Variants in PRIM2 observed in about 807,000 individuals in gnomAD.
PRIM2 encodes the protein DNA primase large subunit.
In PRIM2, 39 loss-of-function variants were observed where a neutral mutation model predicts 67.3. The ratio of observed to expected loss-of-function variants is 0.58; its 90% CI spans 0.45 to 0.76. PRIM2 has a LOEUF of 0.76. Among genes scored for constraint, PRIM2 ranks in the 30% least tolerant of loss-of-function variants. The pLI, the probability that PRIM2 is intolerant of heterozygous loss-of-function variation, is 0.00. For synonymous variants in PRIM2, 143 were observed against 198.7 expected (o/e 0.72, Z 2.36); for missense variants, 398 against 598.7 (o/e 0.66, Z 3.50).
chr6:57,405,990 A>G (rs1407744780), intron 7 of PRIM2, among the ~76,000 whole-genome samples: 1 of 152,246 alleles, frequency 6.6e-6, no homozygotes, highest in Non-Finnish European at 1.5e-5. Context: ...AACAGTCATC[A>G]TATGTGTGGT....
chr6:57,272,762 T>G, the PRIM2 span, among the ~76,000 whole-genome samples: 1 of 152,220 alleles, frequency 6.6e-6, no homozygotes, highest in Non-Finnish European at 1.5e-5. Flanking sequence ...CAGTGGCTGG[T>G]ACCGGTTGTT....
At chr6:57,642,733 G>A (rs878924431) in intron 13 of PRIM2, among the ~76,000 whole-genome samples, 58,931 of 151,580 alleles carry the variant, frequency 0.39, 11,661 homozygotes, top group East Asian at 0.65. Context: ...GAGCCACCAC[G>A]CCCAGCCCCT....
intron 12 of PRIM2, among the ~76,000 whole-genome samples, chr6:57,619,755 A>C (rs2127496623): frequency 6.6e-6 from 1 of 152,358 alleles, no homozygotes; most frequent in South Asian, 2.1e-4. Flanking sequence ...AAAGCCTCTA[A>C]GAAGTTTGGG....
chr6:57,246,762 T>G, the PRIM2 span, among the ~76,000 whole-genome samples: 4 of 152,266 alleles, frequency 2.6e-5, 1 homozygote, highest in South Asian at 8.3e-4. Flanking sequence ...CCATTTCTGC[T>G]GCCTGCTGAT....
At chr6:57,448,660 G>A (rs2127388934) in intron 7 of PRIM2, among the ~76,000 whole-genome samples, 1 of 152,236 alleles carries the variant, frequency 6.6e-6, no homozygotes, top group East Asian at 1.9e-4. Flanking sequence ...GGTGGGTTCA[G>A]AGATTTTTAA....
chr6:57,457,793 C>A (rs1772855297), intron 7 of PRIM2, among the ~76,000 whole-genome samples: 1 of 152,164 alleles, frequency 6.6e-6, no homozygotes, highest in African/African-American at 2.4e-5. Flanking sequence ...CACCCACTGT[C>A]CTGCACCCAC....
chr6:57,288,419 C>T, the PRIM2 span, among the ~76,000 whole-genome samples: 1 of 152,176 alleles, frequency 6.6e-6, no homozygotes, highest in African/African-American at 2.4e-5. Flanking sequence ...ACATTCCGGT[C>T]TGACAGCTCT....
chr6:57,362,623 A>G (rs1268383164), intron 5 of PRIM2, among the ~76,000 whole-genome samples: 1 of 152,186 alleles, frequency 6.6e-6, no homozygotes, highest in Non-Finnish European at 1.5e-5. Context: ...AACCAAGTTA[A>G]GTTGAACAGT....
intron 7 of PRIM2, among the ~76,000 whole-genome samples, chr6:57,409,334 C>T (rs538432920): frequency 2.8e-4 from 42 of 152,150 alleles, no homozygotes; most frequent in African/African-American, 8.7e-4. Context: ...CACCACCGCA[C>T]CGGCTAATTT....
intron 10 of PRIM2, among the ~76,000 whole-genome samples, chr6:57,584,795 A>C (rs1429434136): frequency 1.3e-5 from 2 of 152,236 alleles, no homozygotes; most frequent in Non-Finnish European, 2.9e-5. Context: ...TAGTTTCTAC[A>C]AATTTTATAC....
At chr6:57,559,026 A>G (rs1775576047) in intron 10 of PRIM2, among the ~76,000 whole-genome samples, 2 of 151,812 alleles carry the variant, frequency 1.3e-5, no homozygotes, top group Admixed American at 6.6e-5. Flanking sequence ...AGTCTCAGCT[A>G]TTTGGGAGGC....
At chr6:57,520,248 A>G (rs1774583521) in intron 8 of PRIM2, among the ~76,000 whole-genome samples, 1 of 152,230 alleles carries the variant, frequency 6.6e-6, no homozygotes, top group Non-Finnish European at 1.5e-5. Flanking sequence ...TAAATGTGTA[A>G]TAGCTCATCT....
intron 13 of PRIM2, among the ~76,000 whole-genome samples, chr6:57,639,903 A>G (rs1355279001): frequency 4.6e-5 from 7 of 151,956 alleles, no homozygotes; most frequent in Admixed American, 4.6e-4. Flanking sequence ...CATCATCCTG[A>G]TTCTGAAACC....
At chr6:57,463,037 G>A (rs1773059037) in intron 7 of PRIM2, among the ~76,000 whole-genome samples, 1 of 152,182 alleles carries the variant, frequency 6.6e-6, no homozygotes, top group Non-Finnish European at 1.5e-5. Context: ...TGAGCTAGCT[G>A]TTTCAGGGTG....
rs1773039949 is a variant in PRIM2, at chr6:57,462,464, T to G, written c.694-44923T>G. Among the ~76,000 whole-genome samples the G allele has an allele frequency of 2.0e-5, 3 of 152,340 alleles. No individual in the cohort carries two copies. In the South Asian group the frequency reaches 6.2e-4, roughly 32 times the overall value. On this transcript the variant is annotated intron_variant, in intron 7 of 13. Coordinates refer to ENST00000615550, the MANE Select transcript of PRIM2 (RefSeq NM_000947.5). ...TCCCATGGACATTAGATAAATGAGA[T>G]TAATTAGCCTCTTTGTTACCAGTTG...
chr6:57,333,020 T>C (rs1411212150), intron 5 of PRIM2, among the ~76,000 whole-genome samples: 1 of 152,192 alleles, frequency 6.6e-6, no homozygotes, highest in East Asian at 1.9e-4. Flanking sequence ...CTGTTTATTT[T>C]ACTGTATTTT....
At chr6:57,422,303 A>G (rs1207941933) in intron 7 of PRIM2, among the ~76,000 whole-genome samples, 5 of 150,872 alleles carry the variant, frequency 3.3e-5, no homozygotes. Context: ...ACAGGCACCC[A>G]CTTTTTGTAT....
chr6:57,258,373 G>A, the PRIM2 span, among the ~76,000 whole-genome samples: 4 of 151,552 alleles, frequency 2.6e-5, no homozygotes, highest in African/African-American at 9.7e-5. Context: ...ATTTTCTGAC[G>A]CAAATGAGGT....
chr6:57,323,491 A>C (rs1767731338), intron 3 of PRIM2, among the ~76,000 whole-genome samples: 1 of 152,140 alleles, frequency 6.6e-6, no homozygotes, highest in African/African-American at 2.4e-5. Context: ...TGTCAAGATT[A>C]GTTTACTTCT....
Sources: allele counts gnomAD v4.1 joint callset (sites outside exome capture counted in the v4.1 genomes callset), GRCh38; gene constraint gnomAD v4.1.1; transcripts MANE v1.5; gene names NCBI Gene and HGNC (gene_info 2026-07-23, HGNC 2026-07-21).